Variants in COL18A1 observed in about 807,000 individuals in gnomAD.
COL18A1 encodes the protein collagen type XVIII alpha 1 chain, also known as collagen alpha-1(XVIII) chain.
A neutral mutation model predicts 168.0 loss-of-function variants in COL18A1; 133 were observed. The observed-to-expected ratio is 0.79, with a 90% CI of 0.69 to 0.91. The LOEUF (loss-of-function observed/expected upper bound fraction) is 0.91. COL18A1 is among the 40% of genes least tolerant of loss of function. The pLI, the probability that COL18A1 is intolerant of heterozygous loss-of-function variation, is 0.00. For synonymous variants in COL18A1, 949 were observed against 809.0 expected (o/e 1.17, Z -2.94); for missense variants, 2,126 against 1,925.4 (o/e 1.10, Z -1.95).
Position 45,494,385 on chromosome 21 carries a change from G to A in COL18A1, c.2353-160G>A, listed in dbSNP as rs1021809726. The A allele has an allele frequency of 1.8e-5, 18 of 983,640 alleles. No homozygotes were observed. In the East Asian group the frequency reaches 2.0e-4, roughly 11 times the overall value. 60.9% of individuals were successfully genotyped at this position (983,640 alleles called of 1,614,324 possible). A position where few individuals can be genotyped will look rare whatever the true frequency, so the allele number is the denominator to read the frequency against. On this transcript the variant is annotated intron_variant, in intron 26 of 41. Coordinates refer to ENST00000651438, the MANE Select transcript of COL18A1 (RefSeq NM_001379500.1). The stretch of plus-strand genomic sequence containing the variant: ...CCAGGGCTGCCTGCGCCTTGGGGAC[G>A]GCCCAGTGCACCCAAAGGGACCACA...
At chr21:45,415,382 G>A (rs1475757309) in intron 2 of COL18A1, among the ~76,000 whole-genome samples, 2 of 152,158 alleles carry the variant, frequency 1.3e-5, no homozygotes, top group African/African-American at 4.8e-5. Flanking sequence ...TGGAACCTCT[G>A]GTCTTCAGGT....
At chr21:45,503,129 C>A in intron 32 of COL18A1, among the ~76,000 whole-genome samples, 1 of 152,122 alleles carries the variant, frequency 6.6e-6, no homozygotes, top group Non-Finnish European at 1.5e-5. Context: ...AGTTCTAGAT[C>A]CCTGAGGAAT....
intron 38 of COL18A1, among the ~76,000 whole-genome samples, chr21:45,507,989 A>G (rs965294747): frequency 5.3e-5 from 8 of 152,114 alleles, no homozygotes; most frequent in Non-Finnish European, 7.4e-5. Flanking sequence ...GGGTGAATCA[A>G]TGGGGAGGTG....
chr21:45,500,237 A>AGGGGGT (rs2036707341), intron 32 of COL18A1, among the ~76,000 whole-genome samples: 1 of 57,594 alleles, frequency 1.7e-5, no homozygotes, highest in Admixed American at 2.3e-4. Flanking sequence ...TGGAGGTGTG[A>AGGGGGT]GGGGGTGTGT....
intron 2 of COL18A1, among the ~76,000 whole-genome samples, chr21:45,437,717 G>A (rs1268745175): frequency 1.4e-4 from 4 of 28,360 alleles, no homozygotes; most frequent in Admixed American, 3.7e-4. Context: ...CAGACACACA[G>A]GCACTCTCCT....
intron 29 of COL18A1, chr21:45,495,981 C>T (rs1405072811): frequency 4.7e-5 from 16 of 341,562 alleles, no homozygotes; most frequent in Non-Finnish European, 8.7e-5. Context: ...TGCATACACA[C>T]CAATACACAT....
intron 2 of COL18A1, among the ~76,000 whole-genome samples, chr21:45,440,982 A>G (rs147179120): frequency 0.013 from 1,978 of 152,292 alleles, 58 homozygotes; most frequent in African/African-American, 0.044. Flanking sequence ...TAGGAGGCTC[A>G]GCAGTTCTCT....
chr21:45,461,466 C>G (rs138038900), intron 2 of COL18A1, among the ~76,000 whole-genome samples: 117 of 152,270 alleles, frequency 7.7e-4, no homozygotes, highest in Admixed American at 2.8e-3. Context: ...GTCCCTACCC[C>G]TTATCAGATG....
intron 2 of COL18A1, among the ~76,000 whole-genome samples, chr21:45,441,490 C>G (rs897846213): frequency 6.6e-6 from 1 of 152,228 alleles, no homozygotes; most frequent in Admixed American, 6.5e-5. Context: ...GAACCCACCT[C>G]GAGGGCTGCC....
chr21:45,434,111 G>GTGTGTGAGCAGGTGCATGGGCCAGT (rs2034036737), intron 2 of COL18A1, among the ~76,000 whole-genome samples: 1 of 148,776 alleles, frequency 6.7e-6, no homozygotes, highest in Admixed American at 6.6e-5. Context: ...CATGGGCCAG[G>GTGTGTGAGCAGGTGCATGGGCCAGT]TGTGTGAGCA....
In COL18A1 at chr21:45,497,608, G is replaced by GC; in HGVS notation, c.2633dup (p.Pro879SerfsTer22). On this transcript the variant is annotated frameshift_variant, in exon 32 of 42. Transcript: ENST00000651438. LOFTEE classifies it high-confidence loss of function. ...GTCTCTCTTCCTCCAGGGAATCAGG[G>GC]CCCTCCAGGACCCAAGGGCGCCAAA... The GC allele has an allele frequency of 6.4e-7, 1 of 1,563,482 alleles. No individual in the cohort carries two copies. The highest frequency in any genetic ancestry group is 8.7e-7 in the Non-Finnish European group (1 of 1,154,428).
chr21:45,510,984 A>AG lies in COL18A1; in HGVS notation c.3694-127_3694-126insG. The AG allele has an allele frequency of 9.8e-5, 5 of 51,088 alleles. 1 individual carries two copies. The highest frequency in any genetic ancestry group is 2.1e-4 in the Non-Finnish European group (5 of 23,820). The allele number at this position is 51,088 out of a possible 1,614,324, so 3.2% of individuals were successfully genotyped here. ...ACATACACCCCCAAACACCCCCCAC[A>AG]CCCCACACACACAACACACCCCCCC... On this transcript the variant is annotated intron_variant, in intron 40 of 41. Transcript: ENST00000651438.
intron 38 of COL18A1, among the ~76,000 whole-genome samples, chr21:45,508,680 C>T (rs1402251911): frequency 5.3e-5 from 8 of 152,170 alleles, no homozygotes; most frequent in Admixed American, 3.3e-4. Flanking sequence ...CGGCCTGTCT[C>T]CTCACAGGGT....
chr21:45,480,382 A>G, intron 11 of COL18A1, 85 bp from the exon 12 acceptor site: 3 of 1,611,364 alleles, frequency 1.9e-6, no homozygotes, highest in Non-Finnish European at 2.5e-6. Flanking sequence ...ACAGCTCGAT[A>G]TGCAGCTTGC....
chr21:45,411,628 T>G (rs2033291860), intron 2 of COL18A1, among the ~76,000 whole-genome samples: 2 of 151,794 alleles, frequency 1.3e-5, no homozygotes, highest in South Asian at 4.2e-4. Flanking sequence ...TGACACAGGC[T>G]CTGGAGGGCC....
intron 28 of COL18A1, 188 bp from the exon 29 acceptor site, chr21:45,495,170 C>T (rs2036487768): frequency 1.5e-6 from 1 of 662,444 alleles, no homozygotes; most frequent in Non-Finnish European, 2.7e-6. Flanking sequence ...GGCTCAGTCA[C>T]CTCCTCCCAA....
At chr21:45,435,015 C>T (rs568634238) in intron 2 of COL18A1, among the ~76,000 whole-genome samples, 9 of 152,132 alleles carry the variant, frequency 5.9e-5, no homozygotes, top group South Asian at 2.1e-4. Context: ...TCCTGAGGGA[C>T]GTGCTCAGTG....
rs1247899967 is a variant in COL18A1, at chr21:45,450,627, C to G, written c.107-17615C>G. ...ACAGGCCAACAAGACAGGACAAACC[C>G]TGGCTCGGGGCAGGGCGGAGACAGT... On this transcript the variant is annotated intron_variant, in intron 2 of 41. Transcript: ENST00000651438. Among the ~76,000 whole-genome samples, 3 of 152,236 alleles carry G rather than the reference C, an allele frequency of 2.0e-5. No individual in the cohort carries two copies. In the East Asian group the frequency reaches 5.8e-4, roughly 29 times the overall value.
intron 31 of COL18A1, 94 bp from the exon 32 acceptor site, chr21:45,497,505 C>T: frequency 2.7e-6 from 4 of 1,482,840 alleles, no homozygotes; most frequent in South Asian, 2.4e-5. Context: ...CCCATCCAGG[C>T]CCCCAGGCAC....
Sources: gnomAD v4.1 joint callset for allele counts (sites outside exome capture counted in the v4.1 genomes callset) on GRCh38, gnomAD v4.1.1 for gene constraint, MANE v1.5 for transcripts, NCBI Gene and HGNC (gene_info 2026-07-23, HGNC 2026-07-21) for gene names.